Variants in UBE2O observed in about 807,000 individuals in gnomAD.
UBE2O encodes the protein (E3-independent) E2 ubiquitin-conjugating enzyme.
Under a neutral mutation model 125.8 loss-of-function variants are expected in UBE2O, and 15 were observed. The observed-to-expected ratio is 0.12, with a 90% CI of 0.08 to 0.18. The LOEUF (loss-of-function observed/expected upper bound fraction) is 0.18, where lower values mean the gene tolerates loss of function less well. Among genes scored for constraint, UBE2O ranks in the 10% least tolerant of loss-of-function variants. UBE2O has a pLI of 1.00. For synonymous variants in UBE2O, 708 were observed against 703.2 expected (o/e 1.01, Z -0.11); for missense variants, 1,280 against 1,723.6 (o/e 0.74, Z 4.56).
intron 1 of UBE2O, among the ~76,000 whole-genome samples, chr17:76,426,175 G>T (rs1280467209): frequency 2.0e-5 from 3 of 152,104 alleles, no homozygotes; most frequent in Non-Finnish European, 4.4e-5. Flanking sequence ...GCTAATTTTT[G>T]TATTTTTTTG....
intron 1 of UBE2O, among the ~76,000 whole-genome samples, chr17:76,450,421 C>T (rs2073220573): frequency 6.6e-6 from 1 of 152,148 alleles, no homozygotes; most frequent in Non-Finnish European, 1.5e-5. Context: ...CCTAAAAGAA[C>T]TATATCTTGC....
intron 1 of UBE2O, among the ~76,000 whole-genome samples, chr17:76,451,507 A>T (rs1299803629): frequency 6.6e-6 from 1 of 152,114 alleles, no homozygotes; most frequent in Non-Finnish European, 1.5e-5. Context: ...TAGGAAATGG[A>T]TCATGTGCTC....
In UBE2O at chr17:76,453,066, G is replaced by C. The variant is rs1332738467; in HGVS notation, c.76C>G (p.Pro26Ala). 30 of 1,301,796 alleles carry C rather than the reference G, an allele frequency of 2.3e-5. No homozygotes were observed. The highest frequency in any genetic ancestry group is 2.9e-5 in the Non-Finnish European group (29 of 1,001,004). 80.6% of individuals were successfully genotyped at this position (1,301,796 alleles called of 1,614,324 possible). ...GGGACGGGGGCTGCGGCTGGGGCCG[G>C]GACTGCCTCCGGGGCTGGAGCCGGG... ...QAPAPAPEAV[P>A]APAAAPVPAP... Residue 26 changes from proline to alanine, a missense_variant, in exon 1 of 18, where the codon CCG becomes GCG. Around this residue, in one of 10 missense-constraint regions of UBE2O, gnomAD observed 188 missense variants for 192.5 expected, o/e 0.98. Coordinates refer to ENST00000319380, the MANE Select transcript of UBE2O (RefSeq NM_022066.4).
At chr17:76,436,043 A>G (rs560314175) in intron 1 of UBE2O, among the ~76,000 whole-genome samples, 2 of 152,330 alleles carry the variant, frequency 1.3e-5, no homozygotes, top group African/African-American at 4.8e-5. Context: ...GCTCAGGAGT[A>G]TGAGACTAGC....
chr17:76,416,026 C>T (rs938571177), intron 1 of UBE2O, among the ~76,000 whole-genome samples: 1 of 149,666 alleles, frequency 6.7e-6, no homozygotes, highest in South Asian at 2.1e-4. Context: ...TATGTACACA[C>T]ACGTATATAT....
In UBE2O at chr17:76,390,713, G is replaced by A. The variant is rs909809454; in HGVS notation, c.*230C>T. On this transcript the variant is annotated 3_prime_UTR_variant, in exon 18 of 18. Coordinates refer to ENST00000319380, the MANE Select transcript of UBE2O (RefSeq NM_022066.4). ...AATGGAAAATCGGCAACAGGGTTCC[G>A]ATTTTCTTTGCCACAGGGGACCCGC... 3 of 435,904 alleles carry A rather than the reference G, an allele frequency of 6.9e-6. No homozygotes were observed. The highest frequency in any genetic ancestry group is 4.7e-5 in the South Asian group (1 of 21,054). 27.0% of individuals were successfully genotyped at this position (435,904 alleles called of 1,614,324 possible).
intron 1 of UBE2O, among the ~76,000 whole-genome samples, chr17:76,417,192 C>T (rs1347055430): frequency 6.6e-6 from 1 of 152,224 alleles, no homozygotes; most frequent in African/African-American, 2.4e-5. Context: ...CTGCCTGGCA[C>T]CTCTCCCTGA....
chr17:76,397,018 C>T (rs1200058974), intron 13 of UBE2O, among the ~76,000 whole-genome samples, 197 bp from the exon 14 acceptor site: 1 of 152,156 alleles, frequency 6.6e-6, no homozygotes, highest in African/African-American at 2.4e-5. Flanking sequence ...GGCCCTTCAC[C>T]TGTCCCACCC....
Position 76,419,123 on chromosome 17 carries a change from A to AT in UBE2O, c.418-13552dup, listed in dbSNP as rs10647924. 6.2e-5 allele frequency among the ~76,000 whole-genome samples: 9 copies of AT among 145,680 alleles called. 1 individual carries two copies. The highest frequency in any genetic ancestry group is 1.3e-4 in the African/African-American group (5 of 39,316). On this transcript the variant is annotated intron_variant, in intron 1 of 17. Transcript: ENST00000319380. ...ACCTAGTGAGACCCTATCTCTACAG[A>AT]TTTTTTTTTTTTAAATTAGGCCTGG...
At chr17:76,403,664 A>G (rs2072368780) in intron 3 of UBE2O, among the ~76,000 whole-genome samples, 2 of 152,142 alleles carry the variant, frequency 1.3e-5, no homozygotes, top group African/African-American at 4.8e-5. Context: ...TGTATTTCCT[A>G]GTGTGTCCCA....
chr17:76,418,645 C>G (rs971484142), intron 1 of UBE2O, among the ~76,000 whole-genome samples: 3 of 151,706 alleles, frequency 2.0e-5, no homozygotes, highest in Non-Finnish European at 4.4e-5. Flanking sequence ...TCTCGGCTCA[C>G]TGCAAGCTCC....
Position 76,400,496 on chromosome 17 carries a change from C to G in UBE2O, c.949G>C (p.Gly317Arg), listed in dbSNP as rs1307846086. The change falls in exon 7 of 18, where the codon GGC (glycine) becomes CGC (arginine). Residue 317 changes from glycine (G) to arginine (R), a missense_variant. Physicochemically the swap from Gly to Arg is moderately radical, Grantham distance 125. This residue lies in a region of UBE2O where 206 missense variants were observed against 315.7 expected (regional missense o/e 0.65). Coordinates refer to ENST00000319380, the MANE Select transcript of UBE2O (RefSeq NM_022066.4). The surrounding 1 kb of genome is among the most constrained non-coding windows in gnomAD (Gnocchi z 4.3). ...TWITKSFCPG[G>R]TDSVSPPPSV... ...GGTGGGGGGCTGACGCTGTCCGTGC[C>G]CCCTGGACAGAAACTCTTGGTAATC... The G allele has an allele frequency of 6.2e-7, 1 of 1,613,518 alleles. No individual in the cohort carries two copies. Among genetic ancestry groups the G allele is most frequent in the South Asian group, 1.1e-5 (1 of 90,986 alleles).
intron 5 of UBE2O, 191 bp downstream of exon 5, chr17:76,401,873 C>CA (rs71280851): frequency 0.15 from 22,933 of 151,260 alleles, 1,131 homozygotes; most frequent in African/African-American, 0.25. Flanking sequence ...GACTCTGTCT[C>CA]AAAAAAAAAA....
chr17:76,420,911 G>C (rs1027329330), intron 1 of UBE2O, among the ~76,000 whole-genome samples: 1 of 152,086 alleles, frequency 6.6e-6, no homozygotes, highest in African/African-American at 2.4e-5. Context: ...TGCTAACCTT[G>C]ACAGTAGGAG....
In UBE2O at chr17:76,405,822, G is replaced by A. The variant is rs76490095; in HGVS notation, c.418-250C>T. Reference sequence around the variant, plus strand: ...CTGTCTCACCCACCAGAGGCACTTGGCTTGCCGGAGGTAGCCTTCCTCACA... The same window carrying A: ...CTGTCTCACCCACCAGAGGCACTTGACTTGCCGGAGGTAGCCTTCCTCACA... On this transcript the variant is annotated intron_variant, in intron 1 of 17. Transcript: ENST00000319380. The surrounding 1 kb of genome is among the most constrained non-coding windows in gnomAD (Gnocchi z 6.1). 1.6e-4 allele frequency among the ~76,000 whole-genome samples: 25 copies of A among 152,338 alleles called. No individual in the cohort carries two copies. The East Asian group carries it at 4.4e-3, about 27-fold the overall frequency.
At chr17:76,406,242 T>G (rs1369620470) in intron 1 of UBE2O, among the ~76,000 whole-genome samples, 1 of 152,190 alleles carries the variant, frequency 6.6e-6, no homozygotes, top group African/African-American at 2.4e-5. Flanking sequence ...GGCCACTGCC[T>G]CCTGCTGCTC....
chr17:76,405,122 C>T lies in UBE2O; in HGVS notation c.588+84G>A. 5 of 1,039,820 alleles carry T rather than the reference C, an allele frequency of 4.8e-6. No homozygotes were observed. Among genetic ancestry groups the T allele is most frequent in the African/African-American group, 3.2e-5 (2 of 62,704 alleles). The allele number at this position is 1,039,820 out of a possible 1,614,324, so 64.4% of individuals were successfully genotyped here. The stretch of plus-strand genomic sequence containing the variant: ...AGGAAGGCTGTGCTTGGCAAGAGCA[C>T]GGAGGAGGCTGTAGCCCAGAGGTCG... On this transcript the variant is annotated intron_variant, in intron 3 of 17. Coordinates refer to ENST00000319380, the MANE Select transcript of UBE2O (RefSeq NM_022066.4). This position sits in a 1 kb window ranked among gnomAD's most constrained non-coding sequence, Gnocchi z 6.1.
At chr17:76,418,009 T>A (rs1018833358) in intron 1 of UBE2O, among the ~76,000 whole-genome samples, 1 of 151,722 alleles carries the variant, frequency 6.6e-6, no homozygotes, top group African/African-American at 2.4e-5. Context: ...GCAGATGAGG[T>A]TCAATGCTCT....
chr17:76,438,268 T>C (rs944628208), intron 1 of UBE2O, among the ~76,000 whole-genome samples: 1 of 152,170 alleles, frequency 6.6e-6, no homozygotes, highest in Non-Finnish European at 1.5e-5. Context: ...GTGGGGATGG[T>C]TGCACAACAA....
Sources: allele counts gnomAD v4.1 joint callset (sites outside exome capture counted in the v4.1 genomes callset), GRCh38; gene constraint gnomAD v4.1.1; regional missense constraint gnomAD v4.1.1; non-coding constraint Gnocchi (gnomAD v3.1); transcripts MANE v1.5; gene names NCBI Gene and HGNC (gene_info 2026-07-23, HGNC 2026-07-21).